Variants in PTPRT observed in about 807,000 individuals in gnomAD.
The protein encoded by PTPRT is receptor-type tyrosine-protein phosphatase T.
A neutral mutation model predicts 176.8 loss-of-function variants in PTPRT; 56 were observed. That is an observed-to-expected ratio of 0.32 (90% CI 0.26 to 0.40). The LOEUF is 0.40. Ranked by LOEUF, PTPRT falls within the 10% of genes least tolerant of loss-of-function variation. PTPRT has a pLI of 1.00. For synonymous variants in PTPRT, 783 were observed against 739.0 expected (o/e 1.06, Z -0.96); for missense variants, 1,540 against 1,908.2 (o/e 0.81, Z 3.60).
At chr20:42,151,908 T>C (rs546501845) in intron 17 of PTPRT, among the ~76,000 whole-genome samples, 1 of 152,318 alleles carries the variant, frequency 6.6e-6, no homozygotes, top group Non-Finnish European at 1.5e-5. Context: ...TAGGTATAGG[T>C]AAAATAGCAT....
chr20:43,083,353 T>TATATATATATATAC, intron 1 of PTPRT, among the ~76,000 whole-genome samples: 1 of 128,454 alleles, frequency 7.8e-6, no homozygotes, highest in African/African-American at 2.9e-5. Flanking sequence ...TATATATATA[T>TATATATATATATAC]ATATATATAT....
intron 1 of PTPRT, among the ~76,000 whole-genome samples, chr20:42,941,843 G>A (rs1242178992): frequency 2.0e-5 from 3 of 152,204 alleles, no homozygotes; most frequent in Non-Finnish European, 4.4e-5. Context: ...ACAATTTCAT[G>A]TAGCTTTAAT....
chr20:42,867,236 C>T (rs1422296562), intron 2 of PTPRT, among the ~76,000 whole-genome samples: 1 of 152,138 alleles, frequency 6.6e-6, no homozygotes, highest in Non-Finnish European at 1.5e-5. Flanking sequence ...TGTCCCTTAT[C>T]CTCATTTTAG....
chr20:42,163,049 C>T (rs529669309), intron 16 of PTPRT, among the ~76,000 whole-genome samples: 1 of 152,334 alleles, frequency 6.6e-6, no homozygotes, highest in Admixed American at 6.5e-5. Flanking sequence ...AATGGTTGGT[C>T]ACCCTAATGC....
At chr20:42,816,264 C>A (rs2077783604) in intron 2 of PTPRT, among the ~76,000 whole-genome samples, 1 of 152,142 alleles carries the variant, frequency 6.6e-6, no homozygotes, top group South Asian at 2.1e-4. Context: ...AAGAGAGAAT[C>A]CCTTCAACCT....
At chr20:42,401,152 T>TAAATAAAA (rs1312041603) in intron 9 of PTPRT, among the ~76,000 whole-genome samples, 7 of 151,486 alleles carry the variant, frequency 4.6e-5, no homozygotes, top group Non-Finnish European at 1.0e-4. Flanking sequence ...AATAAATAAA[T>TAAATAAAA]AAATAAATAA....
At chr20:42,817,607 T>G (rs1415022139) in intron 2 of PTPRT, among the ~76,000 whole-genome samples, 4 of 152,232 alleles carry the variant, frequency 2.6e-5, no homozygotes, top group Admixed American at 6.5e-5. Flanking sequence ...AAACAATCTC[T>G]AATCCATTGT....
intron 7 of PTPRT, among the ~76,000 whole-genome samples, chr20:42,485,633 C>G (rs910297927): frequency 6.6e-6 from 1 of 151,878 alleles, no homozygotes; most frequent in Admixed American, 6.6e-5. Flanking sequence ...TTTTCATATT[C>G]AGATCCAGGG....
chr20:42,763,257 A>G (rs1339170505), intron 5 of PTPRT, among the ~76,000 whole-genome samples: 2 of 152,244 alleles, frequency 1.3e-5, no homozygotes, highest in Admixed American at 1.3e-4. Flanking sequence ...CAAGACTACA[A>G]AAATGGCTGT....
intron 7 of PTPRT, among the ~76,000 whole-genome samples, chr20:42,487,680 G>T (rs545060731): frequency 6.6e-6 from 1 of 152,106 alleles, no homozygotes; most frequent in Non-Finnish European, 1.5e-5. Context: ...CTAGAAGCTG[G>T]AAAAGGCAAG....
intron 11 of PTPRT, among the ~76,000 whole-genome samples, chr20:42,349,314 T>C (rs895431542): frequency 2.6e-5 from 4 of 152,228 alleles, no homozygotes; most frequent in African/African-American, 9.6e-5. Context: ...GGTTGCTCCC[T>C]GTTATAGCAT....
intron 17 of PTPRT, among the ~76,000 whole-genome samples, chr20:42,146,714 A>ATCTT (rs1207862447): frequency 1.3e-5 from 2 of 152,174 alleles, no homozygotes; most frequent in Non-Finnish European, 2.9e-5. Flanking sequence ...AATCAGAAAG[A>ATCTT]TCTTTCTAAA....
intron 7 of PTPRT, among the ~76,000 whole-genome samples, chr20:42,523,163 T>C (rs570075878): frequency 6.6e-6 from 1 of 152,298 alleles, no homozygotes; most frequent in Non-Finnish European, 1.5e-5. Flanking sequence ...GCTACAATTC[T>C]CAAATTTGAT....
intron 1 of PTPRT, among the ~76,000 whole-genome samples, chr20:43,173,674 T>G (rs1009554018): frequency 3.9e-5 from 6 of 152,158 alleles, no homozygotes; most frequent in Non-Finnish European, 8.8e-5. Context: ...TACGGCACCT[T>G]CAGGTGCTGG....
chr20:42,464,380 G>T (rs2071070772), intron 8 of PTPRT, among the ~76,000 whole-genome samples: 1 of 152,158 alleles, frequency 6.6e-6, no homozygotes, highest in Non-Finnish European at 1.5e-5. Context: ...ATGAGGTAGA[G>T]AAAAATAAAA....
chr20:42,635,461 A>T (rs1440122443), intron 7 of PTPRT, among the ~76,000 whole-genome samples: 3 of 152,166 alleles, frequency 2.0e-5, no homozygotes, highest in Non-Finnish European at 4.4e-5. Context: ...TATAATAGGC[A>T]ACAATGTGCT....
At chr20:42,756,361 T>C in intron 6 of PTPRT, 101 bp downstream of exon 6, 1 of 1,224,392 alleles carries the variant, frequency 8.2e-7, no homozygotes, top group Non-Finnish European at 1.1e-6. Flanking sequence ...ATCTCCTCTT[T>C]TACTGAATGT....
At chr20:42,502,722 A>C (rs2071773741) in intron 7 of PTPRT, among the ~76,000 whole-genome samples, 1 of 152,164 alleles carries the variant, frequency 6.6e-6, no homozygotes, top group South Asian at 2.1e-4. Context: ...TTGGTGCCAG[A>C]TTTTTTAGCT....
intron 5 of PTPRT, among the ~76,000 whole-genome samples, chr20:42,766,684 G>A (rs999368236): frequency 6.6e-6 from 1 of 152,166 alleles, no homozygotes; most frequent in Non-Finnish European, 1.5e-5. Context: ...AGGCAACAGG[G>A]ATTTATCTCA....
Sources: gnomAD v4.1 joint callset for allele counts (sites outside exome capture counted in the v4.1 genomes callset) on GRCh38, gnomAD v4.1.1 for gene constraint, MANE v1.5 for transcripts, NCBI Gene and HGNC (gene_info 2026-07-23, HGNC 2026-07-21) for gene names.